Variants in GPT2 observed in about 807,000 individuals in gnomAD.
GPT2 encodes the protein glutamic--pyruvic transaminase 2.
GPT2 carries 30 observed loss-of-function variants against 56.9 expected under a neutral mutation model. The ratio of observed to expected loss-of-function variants is 0.53; its 90% CI spans 0.39 to 0.72. GPT2 has a LOEUF of 0.72. Among genes scored for constraint, GPT2 ranks in the 30% least tolerant of loss-of-function variants. GPT2 has a pLI of 0.00. For missense variants in GPT2, 542 were observed against 703.4 expected, an observed-to-expected ratio of 0.77 and a Z score of 2.60; for synonymous variants, 271 against 283.1, an observed-to-expected ratio of 0.96 and a Z score of 0.43.
chr16:46,899,833 G>A lies in GPT2; in HGVS notation c.334-849G>A, dbSNP rs147319348. On this transcript the variant is annotated intron_variant, in intron 3 of 11. Transcript: ENST00000340124. ...TTACTCAGCCTTATTTGCTGGAGAC[G>A]TGTTCCCAGGTCCAGCCCTGCCACT... Among the ~76,000 whole-genome samples, 851 of 152,340 alleles carry A rather than the reference G, an allele frequency of 5.6e-3. 6 individuals are homozygous for A. Among genetic ancestry groups the A allele is most frequent in the African/African-American group, 0.019 (789 of 41,594 alleles).
intron 6 of GPT2, chr16:46,916,238 C>T (rs1021607635): frequency 5.6e-5 from 9 of 162,120 alleles, no homozygotes; most frequent in Non-Finnish European, 1.2e-4. Context: ...CCCAGCTACT[C>T]GGGAGGCTGA....
chr16:46,899,245 G>A (rs1960770030), intron 3 of GPT2, among the ~76,000 whole-genome samples: 3 of 151,954 alleles, frequency 2.0e-5, no homozygotes, highest in South Asian at 4.2e-4. Context: ...TGTTGCCCAG[G>A]CTGGTCTCGA....
At chr16:46,891,061 T>C (rs1476365164) in intron 2 of GPT2, among the ~76,000 whole-genome samples, 2 of 151,692 alleles carry the variant, frequency 1.3e-5, no homozygotes, top group Non-Finnish European at 2.9e-5. Context: ...TTAGTAGAGA[T>C]GGGGTTTCTC....
chr16:46,891,715 A>G lies in GPT2; in HGVS notation c.244-5933A>G, dbSNP rs571702128. 3.3e-5 allele frequency among the ~76,000 whole-genome samples: 5 copies of G among 152,260 alleles called. No individual in the cohort carries two copies. In the East Asian group the frequency reaches 5.8e-4, roughly 18 times the overall value. ...CAGGCATGTAGTGTGTAATAATCAC[A>G]TCAGGGTAAATGAGGTATCCATCCC... On this transcript the variant is annotated intron_variant, in intron 2 of 11. Coordinates refer to ENST00000340124, the MANE Select transcript of GPT2 (RefSeq NM_133443.4).
chr16:46,898,022 G>A (rs992251154), intron 3 of GPT2, among the ~76,000 whole-genome samples: 4 of 152,152 alleles, frequency 2.6e-5, no homozygotes, highest in Non-Finnish European at 5.9e-5. Flanking sequence ...TGGGGTAGGC[G>A]GCAGCCCAGA....
chr16:46,921,603 GT>G (rs1961289182), intron 8 of GPT2, among the ~76,000 whole-genome samples: 1 of 152,156 alleles, frequency 6.6e-6, no homozygotes, highest in Non-Finnish European at 1.5e-5. Flanking sequence ...TAGTGTGAAC[GT>G]TTGCAGCCAC....
rs1052093307 is a variant in GPT2 at position 46,909,708 on chromosome 16, G to A, written c.601G>A (p.Gly201Arg). ...ISTILKILVSGGGKSRTGVMI... is the reference protein window; with the variant it reads ...ISTILKILVSRGGKSRTGVMI... The stretch of plus-strand genomic sequence containing the variant: ...GACGATCCTGAAGATCCTCGTCTCC[G>A]GGGGCGGCAAGTCACGGACAGGTGT... The change falls in exon 6 of 12, where the codon GGG becomes AGG. Residue 201 changes from glycine (G) to arginine (R), a missense_variant. Gly to Arg is a moderately radical substitution (Grantham distance 125). Coordinates refer to ENST00000340124, the MANE Select transcript of GPT2 (RefSeq NM_133443.4). 6 of 1,613,414 alleles carry A rather than the reference G, an allele frequency of 3.7e-6. No individual in the cohort carries two copies. The highest frequency in any genetic ancestry group is 1.7e-5 in the Admixed American group (1 of 59,962).
intron 6 of GPT2, among the ~76,000 whole-genome samples, chr16:46,911,864 G>A (rs1470725273): frequency 6.6e-6 from 1 of 152,190 alleles, no homozygotes; most frequent in Non-Finnish European, 1.5e-5. Flanking sequence ...TTCTTGGCCA[G>A]GTGTTTACAT....
chr16:46,927,147 G>C (rs1961434205), intron 11 of GPT2, 110 bp downstream of exon 11: 3 of 617,568 alleles, frequency 4.9e-6, no homozygotes, highest in Admixed American at 3.4e-5. Flanking sequence ...CGGAGACCCT[G>C]TCCTCTCTCG....
At chr16:46,907,897 G>A (rs954428082) in intron 5 of GPT2, among the ~76,000 whole-genome samples, 1 of 152,218 alleles carries the variant, frequency 6.6e-6, no homozygotes, top group Non-Finnish European at 1.5e-5. Flanking sequence ...GTGGTTACTT[G>A]CAGTCTGGAG....
chr16:46,888,748 C>G (rs879930523), intron 2 of GPT2, among the ~76,000 whole-genome samples: 6 of 152,154 alleles, frequency 3.9e-5, no homozygotes, highest in Non-Finnish European at 7.3e-5. Context: ...CTCCTGGGCT[C>G]AAGCCATCCT....
At chr16:46,926,410 C>T (rs1961413524) in intron 10 of GPT2, among the ~76,000 whole-genome samples, 1 of 151,832 alleles carries the variant, frequency 6.6e-6, no homozygotes, top group South Asian at 2.1e-4. Context: ...GATCATACCA[C>T]TGCACTCCAG....
In GPT2 at chr16:46,906,920, T is replaced by G. The variant is rs1596871783; in HGVS notation, c.521T>G (p.Val174Gly). 2 of 1,614,212 alleles carry G rather than the reference T, an allele frequency of 1.2e-6. No homozygotes were observed. The highest frequency in any genetic ancestry group is 1.7e-6 in the Non-Finnish European group (2 of 1,180,046). Residue 174 changes from valine to glycine, a missense_variant, in exon 5 of 12, where the codon GTG becomes GGG. By Grantham distance (109) the Val-to-Gly change is moderately radical. Coordinates refer to ENST00000340124, the MANE Select transcript of GPT2 (RefSeq NM_133443.4). ...AAYITRRDGG[V>G]PADPDNIYLT... Reference sequence around the variant, plus strand: ...TACATCACCAGGAGGGATGGCGGTGTGCCTGCGGACCCCGACAACATCTAC... The same window carrying G: ...TACATCACCAGGAGGGATGGCGGTGGGCCTGCGGACCCCGACAACATCTAC...
chr16:46,887,241 G>A (rs574181790), intron 2 of GPT2, among the ~76,000 whole-genome samples: 94 of 152,236 alleles, frequency 6.2e-4, no homozygotes, highest in African/African-American at 2.2e-3. Context: ...AGCCAAAGTG[G>A]GTGGATCACC....
chr16:46,915,568 C>T lies in GPT2; in HGVS notation c.821-1060C>T, dbSNP rs181625331. 1,071 of 147,910 alleles carry T rather than the reference C, an allele frequency of 7.2e-3. 6 individuals are homozygous for T. The highest frequency in any genetic ancestry group is 0.01 in the Non-Finnish European group (694 of 66,852). The allele number at this position is 147,910 out of a possible 1,614,324, so 9.2% of individuals were successfully genotyped here. A position where few individuals can be genotyped will look rare whatever the true frequency, so the allele number is the denominator to read the frequency against. On this transcript the variant is annotated intron_variant, in intron 6 of 11. Coordinates refer to ENST00000340124, the MANE Select transcript of GPT2 (RefSeq NM_133443.4). ...TCTTACACCCCACCACACCTACACA[C>T]GCAACATATACAGACACACACCCCA...
At chr16:46,911,431 G>A (rs1961044909) in intron 6 of GPT2, among the ~76,000 whole-genome samples, 1 of 152,222 alleles carries the variant, frequency 6.6e-6, no homozygotes, top group South Asian at 2.1e-4. Context: ...ATTCCCGAGT[G>A]CAGAAAATGG....
intron 4 of GPT2, among the ~76,000 whole-genome samples, chr16:46,905,141 C>T (rs1960895930): frequency 6.6e-6 from 1 of 151,946 alleles, no homozygotes; most frequent in African/African-American, 2.4e-5. Flanking sequence ...ACTGCAACCT[C>T]CACCTCCCGG....
intron 3 of GPT2, among the ~76,000 whole-genome samples, chr16:46,897,966 G>A (rs1960716809): frequency 6.6e-6 from 1 of 152,190 alleles, no homozygotes; most frequent in Non-Finnish European, 1.5e-5. Context: ...TCCACAAGGC[G>A]GGGTCCTGGG....
At chr16:46,898,886 A>G (rs1453564086) in intron 3 of GPT2, among the ~76,000 whole-genome samples, 2 of 145,784 alleles carry the variant, frequency 1.4e-5, no homozygotes, top group Non-Finnish European at 3.0e-5. Flanking sequence ...ATATATATAT[A>G]TACGTATATA....
Sources: gnomAD v4.1 joint callset for allele counts (sites outside exome capture counted in the v4.1 genomes callset) on GRCh38, gnomAD v4.1.1 for gene constraint, MANE v1.5 for transcripts, NCBI Gene and HGNC (gene_info 2026-07-23, HGNC 2026-07-21) for gene names.